PLXNA1: variants seen among roughly 807,000 people sequenced by gnomAD.
The protein encoded by PLXNA1 is plexin-A1.
PLXNA1 carries 77 observed loss-of-function variants against 191.7 expected under a neutral mutation model. The observed-to-expected ratio is 0.40, with a 90% CI of 0.33 to 0.49. PLXNA1 has a LOEUF of 0.49. Ranked by LOEUF, PLXNA1 falls within the 20% of genes least tolerant of loss-of-function variation. PLXNA1 has a pLI of 0.63. For synonymous variants in PLXNA1, 1,137 were observed against 1,156.4 expected (o/e 0.98, Z 0.34); for missense variants, 2,110 against 2,660.2 (o/e 0.79, Z 4.55).
Position 127,012,031 on chromosome 3 carries a change from C to T in PLXNA1, c.2186C>T (p.Ala729Val). 6.2e-7 allele frequency: 1 copy of T among 1,613,652 alleles called. No individual in the cohort carries two copies. The highest frequency in any genetic ancestry group is 8.5e-7 in the Non-Finnish European group (1 of 1,180,012). The change falls in exon 10 of 32, where the codon GCA becomes GTA. Residue 729 changes from alanine to valine, a missense_variant. By Grantham distance (64) the Ala-to-Val change is moderately conservative (BLOSUM62 0). This residue lies in a region of PLXNA1 where 903 missense variants were observed against 1,015.7 expected (regional missense o/e 0.89). Coordinates refer to ENST00000393409, the MANE Select transcript of PLXNA1 (RefSeq NM_032242.4). The stretch of plus-strand genomic sequence containing the variant: ...GTGGTAAAACCCATCACCCTGGCCG[C>T]ACGGAACCTGCCACAGCCACAGTCA... ...VGVVKPITLA[A>V]RNLPQPQSGQ...
chr3:126,989,618 C>A lies in PLXNA1; in HGVS notation c.1025C>A (p.Ala342Asp). Residue 342 changes from alanine (A) to aspartate (D), a missense_variant, in exon 2 of 32, where the codon GCC (alanine) becomes GAC (aspartate). Coordinates refer to ENST00000393409, the MANE Select transcript of PLXNA1 (RefSeq NM_032242.4). ...EDEDVLFTVF[A>D]QGQKNRVKPP... ...GAGGACGTGCTGTTCACTGTGTTCG[C>A]CCAGGGCCAGAAGAACCGCGTGAAG... 3 of 1,613,156 alleles carry A rather than the reference C, an allele frequency of 1.9e-6. No individual in the cohort carries two copies. Among genetic ancestry groups the A allele is most frequent in the Non-Finnish European group, 2.5e-6 (3 of 1,179,996 alleles).
At chr3:127,023,540 G>A (rs2079162507) in intron 23 of PLXNA1, among the ~76,000 whole-genome samples, 1 of 152,184 alleles carries the variant, frequency 6.6e-6, no homozygotes, top group African/African-American at 2.4e-5. Context: ...GTGGGTGAGG[G>A]TGACTGACAG....
chr3:126,986,523 C>T (rs2078959936), intron 1 of PLXNA1, among the ~76,000 whole-genome samples: 2 of 152,152 alleles, frequency 1.3e-5, no homozygotes, highest in African/African-American at 2.4e-5. Flanking sequence ...GGGGGGCTGC[C>T]GCACCCAGAC....
At chr3:127,015,834 G>T (rs894635649) in intron 15 of PLXNA1, among the ~76,000 whole-genome samples, 3 of 152,014 alleles carry the variant, frequency 2.0e-5, no homozygotes, top group African/African-American at 4.8e-5. Flanking sequence ...ACCCAGGTGT[G>T]GGCTATGCCT....
At chr3:126,998,258 T>TG (rs768705233) in intron 3 of PLXNA1, among the ~76,000 whole-genome samples, 59 of 151,980 alleles carry the variant, frequency 3.9e-4, no homozygotes, top group Admixed American at 1.4e-3. Flanking sequence ...ACCAGCTGGA[T>TG]GGGGGGTAGG....
Position 127,011,983 on chromosome 3 carries a change from C to T in PLXNA1, c.2138C>T (p.Thr713Met), listed in dbSNP as rs201387860. The T allele has an allele frequency of 1.9e-5, 31 of 1,613,596 alleles. No individual in the cohort carries two copies. Among genetic ancestry groups the T allele is most frequent in the East Asian group, 1.6e-4 (7 of 44,884 alleles). Residue 713 changes from threonine (T) to methionine (M), a missense_variant, in exon 10 of 32, where the codon ACG (threonine) becomes ATG (methionine). Physicochemically the swap from Thr to Met is moderately conservative, Grantham distance 81. Around this residue, in one of 4 missense-constraint regions of PLXNA1, gnomAD observed 903 missense variants for 1,015.7 expected, o/e 0.89. Transcript: ENST00000393409. The part of the protein sequence containing the change: ...SEDCPQILPS[T>M]QIYVPVGVVK... Reference sequence around the variant, plus strand: ...GACTGCCCACAGATCCTGCCCTCCACGCAGATCTACGTGCCAGTGGGAGTG... The same window carrying T: ...GACTGCCCACAGATCCTGCCCTCCATGCAGATCTACGTGCCAGTGGGAGTG...
Position 127,037,269 on chromosome 3 carries a change from G to A in PLXNA1, c.*3252G>A, listed in dbSNP as rs2079249099. The A allele has an allele frequency of 6.5e-6, 1 of 152,672 alleles. No homozygotes were observed. The highest frequency in any genetic ancestry group is 2.1e-4 in the South Asian group (1 of 4,834). 9.5% of individuals were successfully genotyped at this position (152,672 alleles called of 1,614,324 possible). A position where few individuals can be genotyped will look rare whatever the true frequency, so the allele number is the denominator to read the frequency against. Reference sequence around the variant, plus strand: ...GGCTCTTTGCAGAAGCAGCACCGCTGACTGTGGGCCCGGCCCTCAGATGTG... The same window carrying A: ...GGCTCTTTGCAGAAGCAGCACCGCTAACTGTGGGCCCGGCCCTCAGATGTG... On this transcript the variant is annotated 3_prime_UTR_variant, in exon 32 of 32. Coordinates refer to ENST00000393409, the MANE Select transcript of PLXNA1 (RefSeq NM_032242.4).
intron 3 of PLXNA1, among the ~76,000 whole-genome samples, chr3:126,997,901 C>T (rs1452711279): frequency 6.6e-6 from 1 of 152,244 alleles, no homozygotes; most frequent in African/African-American, 2.4e-5. Context: ...CCCATGCCGT[C>T]CTGTGTGTGC....
intron 20 of PLXNA1, 26 bp from the exon 21 acceptor site, chr3:127,020,176 G>T (rs755981937): frequency 1.9e-6 from 3 of 1,610,018 alleles, no homozygotes; most frequent in Non-Finnish European, 2.5e-6. Flanking sequence ...AGGGCATGCT[G>T]CCCCTGACGC....
In PLXNA1 at chr3:126,989,877, G is replaced by C. The variant is rs2078982416; in HGVS notation, c.1194+90G>C. ...GTCAGATGCACGCCCAGTGGTGCCT[G>C]CTGTGTGCCTGGCCTGGCTTTTGGC... is the stretch of plus-strand genomic sequence containing the variant. On this transcript the variant is annotated intron_variant, in intron 2 of 31. Coordinates refer to ENST00000393409, the MANE Select transcript of PLXNA1 (RefSeq NM_032242.4). 7.8e-6 allele frequency: 9 copies of C among 1,153,892 alleles called. No homozygotes were observed. In the Admixed American group the frequency reaches 2.0e-4, roughly 25 times the overall value. The allele number at this position is 1,153,892 out of a possible 1,614,324, so 71.5% of individuals were successfully genotyped here.
chr3:127,022,375 A>G, intron 22 of PLXNA1, 34 bp downstream of exon 22: 2 of 1,596,410 alleles, frequency 1.3e-6, no homozygotes, highest in Non-Finnish European at 1.7e-6. Context: ...TGGGGGAGGC[A>G]GGCCCATGCC....
chr3:127,016,231 T>C (rs2079122793), intron 15 of PLXNA1, among the ~76,000 whole-genome samples: 1 of 151,250 alleles, frequency 6.6e-6, no homozygotes. Context: ...CAGGAGTGGG[T>C]GTGGGCGACA....
rs1214088226 is a variant in PLXNA1, at chr3:126,983,164, G to C, written c.-197G>C. 6.9e-6 allele frequency among the ~76,000 whole-genome samples: 1 copy of C among 145,002 alleles called. No individual in the cohort carries two copies. Among genetic ancestry groups the C allele is most frequent in the Non-Finnish European group, 1.5e-5 (1 of 65,362 alleles). Reference sequence around the variant, plus strand: ...GGCCACGCAGCGGAGCCCGGGCGCGGCGGCGGCCTCGGCCTGGGCGGCCTA... The same window carrying C: ...GGCCACGCAGCGGAGCCCGGGCGCGCCGGCGGCCTCGGCCTGGGCGGCCTA... On this transcript the variant is annotated 5_prime_UTR_variant, in exon 1 of 32. Coordinates refer to ENST00000393409, the MANE Select transcript of PLXNA1 (RefSeq NM_032242.4).
At position 127,016,589 on chromosome 3, in the gene PLXNA1, C is replaced by A; in HGVS notation, c.3087C>A (p.Asn1029Lys). 1.2e-6 allele frequency: 2 copies of A among 1,614,024 alleles called. No individual in the cohort carries two copies. The highest frequency in any genetic ancestry group is 1.7e-6 in the Non-Finnish European group (2 of 1,179,978). The change falls in exon 16 of 32, where the codon AAC becomes AAA. Residue 1029 changes from asparagine (N) to lysine (K), a missense_variant. Transcript: ENST00000393409. ...QSPGSAPIII[N>K]INRAQLTNPE... ...CTGGCAGCGCTCCCATCATCATCAA[C>A]ATCAACCGCGCCCAGCTCACCAACC...
chr3:127,018,971 C>T (rs943984031), intron 20 of PLXNA1, among the ~76,000 whole-genome samples: 2 of 152,188 alleles, frequency 1.3e-5, no homozygotes, highest in African/African-American at 4.8e-5. Flanking sequence ...AGCCCTTGCG[C>T]TTTGGCAGTC....
intron 21 of PLXNA1, among the ~76,000 whole-genome samples, chr3:127,020,701 C>T (rs542560445): frequency 6.6e-6 from 1 of 152,380 alleles, no homozygotes; most frequent in African/African-American, 2.4e-5. Flanking sequence ...TCTGGCACCT[C>T]CCCGGTGGCT....
In PLXNA1 at chr3:127,029,071, G is replaced by A. The variant is rs562680288; in HGVS notation, c.4748G>A (p.Arg1583Lys). The A allele has an allele frequency of 6.2e-7, 1 of 1,613,764 alleles. No individual in the cohort carries two copies. The highest frequency in any genetic ancestry group is 1.3e-5 in the African/African-American group (1 of 75,060). ...VTTKIDNDWK[R>K]LNTLAHYQVT... ...ACCAAGATTGACAACGATTGGAAGA[G>A]GCTGAACACACTGGCTCACTACCAG... The change falls in exon 26 of 32, where the codon AGG becomes AAG. Residue 1583 changes from arginine (R) to lysine (K), a missense_variant. Physicochemically the swap from Arg to Lys is conservative, Grantham distance 26. Around this residue, in one of 4 missense-constraint regions of PLXNA1, gnomAD observed 559 missense variants for 911.5 expected, o/e 0.61. Transcript: ENST00000393409.
intron 9 of PLXNA1, among the ~76,000 whole-genome samples, chr3:127,008,762 A>T (rs1037382540): frequency 1.3e-5 from 2 of 151,852 alleles, no homozygotes; most frequent in Non-Finnish European, 2.9e-5. Context: ...GGGCTGAGGA[A>T]GTTGCATGGT....
chr3:126,994,724 C>T (rs2079006860), intron 3 of PLXNA1, among the ~76,000 whole-genome samples: 1 of 152,168 alleles, frequency 6.6e-6, no homozygotes, highest in African/African-American at 2.4e-5. Flanking sequence ...CTGACCCAAC[C>T]TGTGTGTGGG....
Sources: allele counts gnomAD v4.1 joint callset (sites outside exome capture counted in the v4.1 genomes callset), GRCh38; gene constraint gnomAD v4.1.1; regional missense constraint gnomAD v4.1.1; transcripts MANE v1.5; gene names NCBI Gene and HGNC (gene_info 2026-07-23, HGNC 2026-07-21).